Variants in USP34 observed in about 807,000 individuals in gnomAD.
The protein encoded by USP34 is ubiquitin specific peptidase 34, also known as ubiquitin carboxyl-terminal hydrolase 34.
In USP34, 70 loss-of-function variants were observed where a neutral mutation model predicts 460.3. The ratio of observed to expected loss-of-function variants is 0.15; its 90% confidence interval spans 0.13 to 0.19. The LOEUF is 0.19. Ranked by LOEUF, USP34 falls within the 10% of genes least tolerant of loss-of-function variation. USP34 has a pLI of 1.00. For synonymous variants in USP34, 1,647 were observed against 1,405.3 expected (o/e 1.17, Z -3.85); for missense variants, 3,985 against 4,236.2 (o/e 0.94, Z 1.65).
intron 2 of USP34, among the ~76,000 whole-genome samples, chr2:61,408,008 G>C (rs1693931166): frequency 6.6e-6 from 1 of 152,126 alleles, no homozygotes. Flanking sequence ...CCAGCTACTT[G>C]GGATGCTAAG....
intron 44 of USP34, among the ~76,000 whole-genome samples, chr2:61,258,206 T>G (rs188466548): frequency 2.0e-4 from 30 of 152,004 alleles, no homozygotes; most frequent in Middle Eastern, 6.8e-3. Context: ...ATAAAGAAGA[T>G]AGCCAGGCAT....
chr2:61,432,036 T>TA (rs1239596551), intron 1 of USP34, among the ~76,000 whole-genome samples: 3 of 151,998 alleles, frequency 2.0e-5, no homozygotes, highest in African/African-American at 7.3e-5. Context: ...CGTATGAATT[T>TA]AAAATAACAA....
At chr2:61,315,960 G>A (rs1690730856) in intron 23 of USP34, among the ~76,000 whole-genome samples, 1 of 151,798 alleles carries the variant, frequency 6.6e-6, no homozygotes, top group Non-Finnish European at 1.5e-5. Context: ...AGCACTTTGG[G>A]AGGCTGAGGC....
At chr2:61,230,517 C>T (rs1687862695) in intron 58 of USP34, among the ~76,000 whole-genome samples, 1 of 151,816 alleles carries the variant, frequency 6.6e-6, no homozygotes, top group African/African-American at 2.4e-5. Context: ...GAGTGAGACT[C>T]CAACTCAAAA....
At chr2:61,221,768 C>T in intron 65 of USP34, 162 bp from the exon 66 acceptor site, 2 of 561,548 alleles carry the variant, frequency 3.6e-6, no homozygotes, top group East Asian at 3.4e-5. Flanking sequence ...CATAAAGCAG[C>T]AGGATCAGCG....
intron 27 of USP34, among the ~76,000 whole-genome samples, chr2:61,310,530 A>G (rs900263321): frequency 6.6e-6 from 1 of 151,436 alleles, no homozygotes; most frequent in African/African-American, 2.4e-5. Flanking sequence ...AAATATATAT[A>G]TACATATACA....
chr2:61,443,905 G>A (rs1413801963), intron 1 of USP34, among the ~76,000 whole-genome samples: 2 of 152,048 alleles, frequency 1.3e-5, no homozygotes, highest in East Asian at 3.8e-4. Context: ...TTCGTGTGTG[G>A]GGAGTCAGGT....
chr2:61,248,735 T>C (rs1267674473), intron 48 of USP34, 52 bp from the exon 49 acceptor site: 36 of 1,475,640 alleles, frequency 2.4e-5, no homozygotes, highest in Non-Finnish European at 3.1e-5. Flanking sequence ...AATACTTCAG[T>C]TGGTTTGATT....
intron 3 of USP34, among the ~76,000 whole-genome samples, chr2:61,403,080 A>C (rs543652328): frequency 6.6e-6 from 1 of 152,290 alleles, no homozygotes; most frequent in Non-Finnish European, 1.5e-5. Context: ...ATATTAATAG[A>C]ATTTGGTATA....
intron 21 of USP34, among the ~76,000 whole-genome samples, chr2:61,324,539 A>C (rs951275222): frequency 3.3e-5 from 5 of 152,144 alleles, no homozygotes; most frequent in Non-Finnish European, 1.5e-5. Flanking sequence ...TTGGGAGGCC[A>C]AGGCAGGAAG....
In USP34 at chr2:61,301,116, C is replaced by T. The variant is rs906523711; in HGVS notation, c.3963G>A (p.Gly1321=). ...SLGAPRRERK[G]EGVQLPASCL... is the part of the protein sequence containing the mutation. ...AAGATGCTGGCAGCTGAACACCTTC[C>T]CCTTTCCGCTCTCTCCTTGGTGCAC... The change falls in exon 29 of 80, where the codon GGG becomes GGA. Residue 1321 remains glycine, a synonymous_variant. Coordinates refer to ENST00000398571, the MANE Select transcript of USP34 (RefSeq NM_014709.4). 16 of 1,613,790 alleles carry T rather than the reference C, an allele frequency of 9.9e-6. No individual in the cohort carries two copies. The African/African-American group carries it at 2.0e-4, about 20-fold the overall frequency.
At chr2:61,253,880 G>A (rs1285080101) in intron 48 of USP34, among the ~76,000 whole-genome samples, 1 of 151,970 alleles carries the variant, frequency 6.6e-6, no homozygotes, top group Non-Finnish European at 1.5e-5. Flanking sequence ...GACTACAGGC[G>A]TGAGCCACCA....
intron 2 of USP34, among the ~76,000 whole-genome samples, chr2:61,408,299 A>G (rs996591699): frequency 6.6e-6 from 1 of 152,082 alleles, no homozygotes; most frequent in African/African-American, 2.4e-5. Context: ...AGGACTCCCA[A>G]ATTCCTGTCC....
chr2:61,378,450 G>A (rs755363481), intron 7 of USP34, 26 bp from the exon 8 acceptor site: 2 of 1,539,958 alleles, frequency 1.3e-6, no homozygotes, highest in Admixed American at 2.1e-5. Context: ...AGAAATTAAG[G>A]GTTTTTATTT....
chr2:61,442,042 T>C (rs1040191350), intron 1 of USP34, among the ~76,000 whole-genome samples: 1 of 152,034 alleles, frequency 6.6e-6, no homozygotes, highest in Non-Finnish European at 1.5e-5. Context: ...GTCTCTCCAA[T>C]GAATGGTGCT....
At chr2:61,322,719 A>G (rs1053027138) in intron 21 of USP34, among the ~76,000 whole-genome samples, 1 of 152,236 alleles carries the variant, frequency 6.6e-6, no homozygotes, top group Non-Finnish European at 1.5e-5. Context: ...GAAAAAAGTT[A>G]TCCTATCAGT....
chr2:61,370,345 A>G lies in USP34; in HGVS notation c.1227T>C (p.Ile409=), dbSNP rs1376813765. ...CCTGTGCTGCAGCCCAAATACAGTC[A>G]ATATGTTGAGTACTCAGTCGCCCTT... ...AAEGRLSTQH[I]DCIWAAAQLK... Residue 409 remains isoleucine, a synonymous_variant, in exon 10 of 80, where the codon ATT becomes ATC. Transcript: ENST00000398571. The G allele has an allele frequency of 6.2e-7, 1 of 1,614,112 alleles. No individual in the cohort carries two copies.
At chr2:61,425,668 G>A (rs1694490134) in intron 1 of USP34, among the ~76,000 whole-genome samples, 1 of 152,206 alleles carries the variant, frequency 6.6e-6, no homozygotes, top group African/African-American at 2.4e-5. Flanking sequence ...TAAACTTTTT[G>A]GCAGTCTGAG....
chr2:61,384,090 T>C (rs1196590763), intron 5 of USP34, among the ~76,000 whole-genome samples: 1 of 152,196 alleles, frequency 6.6e-6, no homozygotes, highest in African/African-American at 2.4e-5. Context: ...TTTCTAGTCA[T>C]TTCAGTATCT....
Sources: gnomAD v4.1 joint callset for allele counts (sites outside exome capture counted in the v4.1 genomes callset) on GRCh38, gnomAD v4.1.1 for gene constraint, MANE v1.5 for transcripts, NCBI Gene and HGNC (gene_info 2026-07-23, HGNC 2026-07-21) for gene names.